Variants in MYO7B observed in about 807,000 individuals in gnomAD.
MYO7B encodes the protein unconventional myosin-VIIb.
MYO7B carries 212 observed loss-of-function variants against 259.7 expected under a neutral mutation model. The observed-to-expected ratio is 0.82, with a 90% CI of 0.73 to 0.91. The LOEUF (loss-of-function observed/expected upper bound fraction) is 0.91, where lower values mean the gene tolerates loss of function less well. MYO7B is among the 40% of genes least tolerant of loss of function. The pLI, the probability that MYO7B is intolerant of heterozygous loss-of-function variation, is 0.00. For missense variants in MYO7B, 2,732 were observed against 2,813.5 expected (o/e 0.97, Z 0.66); for synonymous variants, 1,197 against 1,166.4 (o/e 1.03, Z -0.54).
rs976089468 is a variant in MYO7B at position 127,584,828 on chromosome 2, C to G, written c.1605C>G (p.Asn535Lys). 8 of 1,613,992 alleles carry G rather than the reference C, an allele frequency of 5.0e-6. No individual in the cohort carries two copies. The highest frequency in any genetic ancestry group is 1.3e-5 in the African/African-American group (1 of 75,038). Residue 535 changes from asparagine to lysine, a missense_variant, in exon 14 of 48, where the codon AAC becomes AAG. Coordinates refer to ENST00000409816, the MANE Select transcript of MYO7B (RefSeq NM_001393586.1). The surrounding 1 kb of genome is among the most constrained non-coding windows in gnomAD (Gnocchi z 5.8). ...LQKLNSVHAN[N>K]KAFLQPKNIH... is the part of the protein sequence containing the mutation. ...AGCTGAACAGCGTCCATGCCAACAA[C>G]AAGGCCTTCCTACAGCCCAAGAACA...
At position 127,609,556 on chromosome 2, in the gene MYO7B, C is replaced by G; in HGVS notation, c.2865C>G (p.Val955=). The change falls in exon 23 of 48, where the codon GTC becomes GTG. Residue 955 remains valine, a synonymous_variant. Coordinates refer to ENST00000409816, the MANE Select transcript of MYO7B (RefSeq NM_001393586.1). The surrounding 1 kb of genome is among the most constrained non-coding windows in gnomAD (Gnocchi z 6.9). ...QKLLEVDLDT[V]PMAEEPEEDV... is the part of the protein sequence containing the mutation. ...TGCTTGAGGTTGACCTGGACACAGT[C>G]CCCATGGCGGAGGAGCCTGAGGAGG... 6.2e-7 allele frequency: 1 copy of G among 1,613,890 alleles called. No homozygotes were observed. Among genetic ancestry groups the G allele is most frequent in the Non-Finnish European group, 8.5e-7 (1 of 1,179,836 alleles).
chr2:127,627,063 C>T lies in MYO7B; in HGVS notation c.4304C>T (p.Ser1435Phe). ...AARLQWPLLF[S>F]RLFEVITLSG... Reference sequence around the variant, plus strand: ...CGCCTGCAGTGGCCGCTGCTCTTCTCCCGGCTCTTCGAAGTCATCACACTC... The same window carrying T: ...CGCCTGCAGTGGCCGCTGCTCTTCTTCCGGCTCTTCGAAGTCATCACACTC... The change falls in exon 32 of 48, where the codon TCC becomes TTC. Residue 1435 changes from serine to phenylalanine, a missense_variant. Ser to Phe is a radical substitution (Grantham distance 155, BLOSUM62 -2). This residue lies in a region of MYO7B where 1,906 missense variants were observed against 2,026.4 expected (regional missense o/e 0.94). Coordinates refer to ENST00000409816, the MANE Select transcript of MYO7B (RefSeq NM_001393586.1). This position sits in a 1 kb window ranked among gnomAD's most constrained non-coding sequence, Gnocchi z 5.6. 2 of 1,611,694 alleles carry T rather than the reference C, an allele frequency of 1.2e-6. No homozygotes were observed. Among genetic ancestry groups the T allele is most frequent in the Non-Finnish European group, 1.7e-6 (2 of 1,179,364 alleles).
chr2:127,637,475 C>A lies in MYO7B; in HGVS notation c.*58C>A. ...TTCCCGACCTCTAGCCTGGCGGCAC[C>A]TTCCCAGGCCCTCTCAACCCAGGGC... On this transcript the variant is annotated 3_prime_UTR_variant, in exon 48 of 48. Coordinates refer to ENST00000409816, the MANE Select transcript of MYO7B (RefSeq NM_001393586.1). 7.8e-7 allele frequency: 1 copy of A among 1,286,318 alleles called. No homozygotes were observed. Among genetic ancestry groups the A allele is most frequent in the Non-Finnish European group, 1.1e-6 (1 of 950,162 alleles). The allele number at this position is 1,286,318 out of a possible 1,614,324, so 79.7% of individuals were successfully genotyped here. A position where few individuals can be genotyped will look rare whatever the true frequency, so the allele number is the denominator to read the frequency against.
intron 1 of MYO7B, among the ~76,000 whole-genome samples, chr2:127,537,622 G>A (rs568056030): frequency 1.3e-4 from 20 of 152,092 alleles, no homozygotes; most frequent in African/African-American, 4.1e-4. Flanking sequence ...GATTGCTTGA[G>A]CCCACAACAT....
At chr2:127,564,291 G>T in intron 3 of MYO7B, 25 bp downstream of exon 3, 1 of 1,523,676 alleles carries the variant, frequency 6.6e-7, no homozygotes, top group Non-Finnish European at 8.9e-7. Flanking sequence ...GTTTCCTCTG[G>T]GCCCTGCCCT....
At chr2:127,631,422 AC>A (rs1249587846) in intron 37 of MYO7B, 59 bp downstream of exon 37, 1 of 1,571,824 alleles carries the variant, frequency 6.4e-7, no homozygotes, top group Non-Finnish European at 8.7e-7. Flanking sequence ...GGCACCCAGC[AC>A]ATCCTGGCCC....
Position 127,605,145 on chromosome 2 carries a change from C to T in MYO7B, c.2340-699C>T, listed in dbSNP as rs567713160. Among the ~76,000 whole-genome samples, 319 of 152,330 alleles carry T rather than the reference C, an allele frequency of 2.1e-3. 3 individuals carry two copies. The highest frequency in any genetic ancestry group is 6.9e-3 in the African/African-American group (288 of 41,576). ...AGCTTGCCTGGGAGTGACTCCGTCT[C>T]GCCAGAGCCCAGCTTTCAGGTTTTC... On this transcript the variant is annotated intron_variant, in intron 19 of 47. Transcript: ENST00000409816.
At position 127,576,671 on chromosome 2, in the gene MYO7B, G is replaced by T. The variant is rs759487076; in HGVS notation, c.812G>T (p.Ser271Ile). The change falls in exon 8 of 48, where the codon AGC becomes ATC. Residue 271 changes from serine to isoleucine, a missense_variant. Around this residue, in one of 3 missense-constraint regions of MYO7B, gnomAD observed 1,906 missense variants for 2,026.4 expected, o/e 0.94. Coordinates refer to ENST00000409816, the MANE Select transcript of MYO7B (RefSeq NM_001393586.1). The surrounding 1 kb of genome is among the most constrained non-coding windows in gnomAD (Gnocchi z 4.9). ...AGTGCTGAGGACAAGCAGCTGCTGA[G>T]CCTGGGCACGCCCTCCGAGTACCAC... ...GVSAEDKQLL[S>I]LGTPSEYHYL... The T allele has an allele frequency of 1.2e-6, 2 of 1,611,246 alleles. No individual in the cohort carries two copies. Among genetic ancestry groups the T allele is most frequent in the African/African-American group, 2.7e-5 (2 of 74,850 alleles).
At chr2:127,541,187 C>G (rs910099195) in intron 1 of MYO7B, among the ~76,000 whole-genome samples, 3 of 151,922 alleles carry the variant, frequency 2.0e-5, no homozygotes, top group Admixed American at 6.6e-5. Context: ...AAGGAGGCAT[C>G]TCTGTGGCTG....
intron 26 of MYO7B, among the ~76,000 whole-genome samples, chr2:127,618,055 C>CTCTATT (rs1371056717): frequency 6.6e-6 from 1 of 152,112 alleles, no homozygotes; most frequent in Non-Finnish European, 1.5e-5. Flanking sequence ...CTCTATTTGT[C>CTCTATT]TCTATTTCTA....
chr2:127,565,352 C>T lies in MYO7B; in HGVS notation c.252C>T (p.Asn84=). ...TGAACGAGGCAGGCATGGTGCACAA[C>T]CTCCTGATCCGCTACCAGCAGCACA... is the stretch of plus-strand genomic sequence containing the variant. ...GDLNEAGMVH[N]LLIRYQQHKI... Residue 84 remains asparagine, a synonymous_variant, in exon 4 of 48, where the codon AAC becomes AAT. Coordinates refer to ENST00000409816, the MANE Select transcript of MYO7B (RefSeq NM_001393586.1). 1.2e-6 allele frequency: 2 copies of T among 1,614,062 alleles called. No homozygotes were observed. Among genetic ancestry groups the T allele is most frequent in the Middle Eastern group, 3.3e-4 (2 of 6,062 alleles).
Position 127,615,702 on chromosome 2 carries a change from T to C in MYO7B, c.3398+3099T>C, listed in dbSNP as rs1680543476. On this transcript the variant is annotated intron_variant, in intron 26 of 47. Transcript: ENST00000409816. This position sits in a 1 kb window ranked among gnomAD's most constrained non-coding sequence, Gnocchi z 4.4. ...CAACATTCTGCTTTTATGAGAACAG[T>C]TTGCTGTTTGCTCATATAGCCTCCA... 6.6e-6 allele frequency among the ~76,000 whole-genome samples: 1 copy of C among 151,868 alleles called. No homozygotes were observed. The highest frequency in any genetic ancestry group is 1.9e-4 in the East Asian group (1 of 5,178).
chr2:127,629,585 T>C, intron 34 of MYO7B, 60 bp from the exon 35 acceptor site: 2 of 1,518,218 alleles, frequency 1.3e-6, no homozygotes, highest in Non-Finnish European at 1.8e-6. Context: ...ACCCACAAAA[T>C]TCCAGCACAG....
At chr2:127,591,309 C>G (rs1679547185) in intron 16 of MYO7B, among the ~76,000 whole-genome samples, 1 of 152,252 alleles carries the variant, frequency 6.6e-6, no homozygotes, top group African/African-American at 2.4e-5. Context: ...GCTGGGCTCC[C>G]AGAGACCCTT....
intron 1 of MYO7B, among the ~76,000 whole-genome samples, chr2:127,557,310 CA>C (rs1167922410): frequency 1.3e-5 from 2 of 152,020 alleles, no homozygotes; most frequent in Non-Finnish European, 2.9e-5. Context: ...TTTCTTGTGT[CA>C]TTTTTTTGAT....
intron 2 of MYO7B, among the ~76,000 whole-genome samples, chr2:127,560,920 T>C (rs1372992781): frequency 6.6e-6 from 1 of 152,164 alleles, no homozygotes; most frequent in Non-Finnish European, 1.5e-5. Flanking sequence ...ACTCACAGAA[T>C]GGACAGCCAA....
rs894963957 is a variant in MYO7B, at chr2:127,559,878, G to A, written c.18+138G>A. 8.7e-6 allele frequency: 9 copies of A among 1,034,568 alleles called. No individual in the cohort carries two copies. Among genetic ancestry groups the A allele is most frequent in the Non-Finnish European group, 3.0e-6 (2 of 665,748 alleles). The allele number at this position is 1,034,568 out of a possible 1,614,324, so 64.1% of individuals were successfully genotyped here. A position where few individuals can be genotyped will look rare whatever the true frequency, so the allele number is the denominator to read the frequency against. On this transcript the variant is annotated intron_variant, in intron 2 of 47. Transcript: ENST00000409816. The surrounding 1 kb of genome is among the most constrained non-coding windows in gnomAD (Gnocchi z 4.1). ...AGAGACAGGGGAGTTTAGGAAACACGACAGATTCTAGCATCTAAAGAAAAC... is the reference window on the plus strand; with the variant it reads ...AGAGACAGGGGAGTTTAGGAAACACAACAGATTCTAGCATCTAAAGAAAAC...
intron 20 of MYO7B, 42 bp downstream of exon 20, chr2:127,605,970 G>A (rs1469386632): frequency 3.1e-5 from 47 of 1,513,448 alleles, no homozygotes; most frequent in Non-Finnish European, 4.2e-5. Context: ...GGGACCAGCG[G>A]GTAACTGTCC....
rs1172557917 is a variant in MYO7B at position 127,632,287 on chromosome 2, C to T, written c.5291C>T (p.Thr1764Met). 5.6e-6 allele frequency: 9 copies of T among 1,611,610 alleles called. No homozygotes were observed. The highest frequency in any genetic ancestry group is 1.6e-4 in the Middle Eastern group (1 of 6,076). ...GGCTGGCAGCTGCTGTGGCTGTGCACGGGCCTCTTCCCGCCCAGCAAGGGG... is the reference window on the plus strand; with the variant it reads ...GGCTGGCAGCTGCTGTGGCTGTGCATGGGCCTCTTCCCGCCCAGCAAGGGG... Reference protein sequence around the residue: ...ERGWQLLWLCTGLFPPSKGLL... With the variant: ...ERGWQLLWLCMGLFPPSKGLL... The change falls in exon 39 of 48, where the codon ACG (threonine) becomes ATG (methionine). Residue 1764 changes from threonine (T) to methionine (M), a missense_variant. Thr to Met is a moderately conservative substitution (Grantham distance 81). Coordinates refer to ENST00000409816, the MANE Select transcript of MYO7B (RefSeq NM_001393586.1).
Sources: gnomAD v4.1 joint callset for allele counts (sites outside exome capture counted in the v4.1 genomes callset) on GRCh38, gnomAD v4.1.1 for gene constraint, gnomAD v4.1.1 regional missense constraint, Gnocchi (gnomAD v3.1) non-coding constraint, MANE v1.5 for transcripts, NCBI Gene and HGNC (gene_info 2026-07-23, HGNC 2026-07-21) for gene names.